ARFRP1: variants seen among roughly 807,000 people sequenced by gnomAD.
ARFRP1 encodes the protein ARF related protein 1.
ARFRP1 carries 19 observed loss-of-function variants against 30.3 expected under a neutral mutation model. That is an observed-to-expected ratio of 0.63 (90% CI 0.44 to 0.92). The LOEUF (loss-of-function observed/expected upper bound fraction) is 0.92. ARFRP1 is among the 40% of genes least tolerant of loss of function. The pLI is 0.00. For missense variants in ARFRP1, 245 were observed against 267.5 expected (o/e 0.92, Z 0.59); for synonymous variants, 133 against 114.2 (o/e 1.16, Z -1.05).
chr20:63,699,709 T>TGG lies in ARFRP1; in HGVS notation c.*732_*733dup, dbSNP rs1359577389. 6.5e-6 allele frequency: 1 copy of TGG among 152,712 alleles called. No homozygotes were observed. Among genetic ancestry groups the TGG allele is most frequent in the African/African-American group, 2.4e-5 (1 of 41,296 alleles). 9.5% of individuals were successfully genotyped at this position (152,712 alleles called of 1,614,324 possible). On this transcript the variant is annotated 3_prime_UTR_variant, in exon 8 of 8. Coordinates refer to ENST00000622789, the MANE Select transcript of ARFRP1 (RefSeq NM_001267547.3). The stretch of plus-strand genomic sequence containing the variant: ...CCCCTCCGGGAGGTTCTCTCCTGGC[T>TGG]GGGGGAGGGCTCTGGACCCCCACAA...
rs774985362 is a variant in ARFRP1 at position 63,702,206 on chromosome 20, C to G, written c.276G>C (p.Glu92Asp). The change falls in exon 5 of 8, where the codon GAG (glutamate) becomes GAC (aspartate). Residue 92 changes from glutamate to aspartate, a missense_variant. Glu to Asp is a conservative substitution (Grantham distance 45). Transcript: ENST00000622789. ...CAATGACGTAGATGACGCCGTGACACTCCGCATAATACTGGGAGGAAGCAC... is the reference window on the plus strand; with the variant it reads ...CAATGACGTAGATGACGCCGTGACAGTCCGCATAATACTGGGAGGAAGCAC... Reference protein sequence around the residue: ...LQSLWDKYYAECHGVIYVIDS... With the variant: ...LQSLWDKYYADCHGVIYVIDS... 1.2e-6 allele frequency: 2 copies of G among 1,612,076 alleles called. No homozygotes were observed. Among genetic ancestry groups the G allele is most frequent in the Non-Finnish European group, 1.7e-6 (2 of 1,179,866 alleles).
At chr20:63,705,768 T>C (rs752518885) in intron 4 of ARFRP1, 6 of 532,882 alleles carry the variant, frequency 1.1e-5, no homozygotes, top group Admixed American at 7.8e-5. Flanking sequence ...GGTCCCCAGG[T>C]CCCCACACTT....
At chr20:63,706,493 AG>A in intron 3 of ARFRP1, 54 bp from the exon 4 acceptor site, 1 of 1,578,044 alleles carries the variant, frequency 6.3e-7, no homozygotes. Flanking sequence ...CGACACACCC[AG>A]TCCCAGCTCT....
Position 63,700,415 on chromosome 20 carries a change from A to C in ARFRP1, c.*28T>G, listed in dbSNP as rs1339297934. 3 of 1,603,888 alleles carry C rather than the reference A, an allele frequency of 1.9e-6. No individual in the cohort carries two copies. The South Asian group carries it at 3.3e-5, about 18-fold the overall frequency. On this transcript the variant is annotated 3_prime_UTR_variant, in exon 8 of 8. Transcript: ENST00000622789. Reference sequence around the variant, plus strand: ...GCCACTCCTCCAGCACCAGGGGACCAGCCGTCCCGACGGCAGCGCGGCTGC... The same window carrying C: ...GCCACTCCTCCAGCACCAGGGGACCCGCCGTCCCGACGGCAGCGCGGCTGC...
In ARFRP1 at chr20:63,702,213, T is replaced by C; in HGVS notation, c.269A>G (p.Tyr90Cys). The C allele has an allele frequency of 1.2e-6, 2 of 1,611,620 alleles. No homozygotes were observed. Among genetic ancestry groups the C allele is most frequent in the Non-Finnish European group, 8.5e-7 (1 of 1,179,628 alleles). The change falls in exon 5 of 8, where the codon TAT becomes TGT. Residue 90 changes from tyrosine (Y) to cysteine (C), a missense_variant. Coordinates refer to ENST00000622789, the MANE Select transcript of ARFRP1 (RefSeq NM_001267547.3). Reference protein sequence around the residue: ...EELQSLWDKYYAECHGVIYVI... With the variant: ...EELQSLWDKYCAECHGVIYVI... Reference sequence around the variant, plus strand: ...GTAGATGACGCCGTGACACTCCGCATAATACTGGGAGGAAGCACCAGGAGT... The same window carrying C: ...GTAGATGACGCCGTGACACTCCGCACAATACTGGGAGGAAGCACCAGGAGT...
intron 4 of ARFRP1, 104 bp from the exon 5 acceptor site, chr20:63,702,321 G>A: frequency 9.0e-7 from 1 of 1,105,582 alleles, no homozygotes; most frequent in South Asian, 1.4e-5. Flanking sequence ...ATGAGGAAGG[G>A]GCAAGAGGGC....
rs760205392 is a variant in ARFRP1 at position 63,700,468 on chromosome 20, G to A, written c.581C>T (p.Pro194Leu). 5.3e-5 allele frequency: 85 copies of A among 1,609,674 alleles called. No individual in the cohort carries two copies. Among genetic ancestry groups the A allele is most frequent in the Middle Eastern group, 4.4e-4 (2 of 4,566 alleles). Residue 194 changes from proline to leucine, a missense_variant, in exon 8 of 8, where the codon CCG becomes CTG. Pro to Leu is a moderately conservative substitution (Grantham distance 98, BLOSUM62 -3). Transcript: ENST00000622789. ...VKCVVRNVHR[P>L]PRQRDIT Reference sequence around the variant, plus strand: ...CTACGTGATGTCCCTCTGCCGCGGCGGCCGGTGCACATTCCGCACGACACA... The same window carrying A: ...CTACGTGATGTCCCTCTGCCGCGGCAGCCGGTGCACATTCCGCACGACACA...
At chr20:63,705,000 T>G in intron 4 of ARFRP1, 1 of 152,790 alleles carries the variant, frequency 6.5e-6, no homozygotes, top group Non-Finnish European at 1.5e-5. Flanking sequence ...GCTGCCTGAG[T>G]CGACCTCTCC....
Position 63,699,537 on chromosome 20 carries a change from C to T in ARFRP1, c.*906G>A, listed in dbSNP as rs970585223. ...ACACTCGCCGTCTTTATTTTGCACT[C>T]ACCCTGGGTGACACTGGGCAGGCCG... On this transcript the variant is annotated 3_prime_UTR_variant, in exon 8 of 8. Transcript: ENST00000622789. 1 of 152,460 alleles carries T rather than the reference C, an allele frequency of 6.6e-6. No homozygotes were observed. The allele number at this position is 152,460 out of a possible 1,614,324, so 9.4% of individuals were successfully genotyped here.
chr20:63,698,799 C>T lies in ARFRP1; in HGVS notation c.*1644G>A, dbSNP rs1473742585. ...AACTGCTGCCCGGGGCTTCCCCTAC[C>T]TCAGACAGACCCTCCCTGGGAGGAT... is the stretch of plus-strand genomic sequence containing the variant. On this transcript the variant is annotated 3_prime_UTR_variant, in exon 8 of 8. Coordinates refer to ENST00000622789, the MANE Select transcript of ARFRP1 (RefSeq NM_001267547.3). 4.5e-6 allele frequency: 2 copies of T among 446,500 alleles called. No individual in the cohort carries two copies. Among genetic ancestry groups the T allele is most frequent in the East Asian group, 4.1e-5 (1 of 24,650 alleles). 27.7% of individuals were successfully genotyped at this position (446,500 alleles called of 1,614,324 possible). A position where few individuals can be genotyped will look rare whatever the true frequency, so the allele number is the denominator to read the frequency against.
At chr20:63,703,327 C>T (rs1485981701) in intron 4 of ARFRP1, 1 of 152,292 alleles carries the variant, frequency 6.6e-6, no homozygotes, top group Admixed American at 6.5e-5. Flanking sequence ...GCCAGACAAG[C>T]TTGTGCACCT....
Position 63,700,529 on chromosome 20 carries a change from T to C in ARFRP1, c.520A>G (p.Lys174Glu). Residue 174 changes from lysine to glutamate, a missense_variant and splice_region_variant, in exon 8 of 8, where the codon AAA becomes GAA. Coordinates refer to ENST00000622789, the MANE Select transcript of ARFRP1 (RefSeq NM_001267547.3). ...CACTCGATGCCCTCGCGCACCCCTT[T>C]GCTGTGAAGACAGCGGGTGTGAGGC... ...LTQACSALTG[K>E]GVREGIEWMV... is the part of the protein sequence containing the mutation. 6.2e-7 allele frequency: 1 copy of C among 1,610,920 alleles called. No homozygotes were observed. Among genetic ancestry groups the C allele is most frequent in the Non-Finnish European group, 8.5e-7 (1 of 1,179,856 alleles).
In ARFRP1 at chr20:63,700,701, G is replaced by T. The variant is rs781780125; in HGVS notation, c.419C>A (p.Thr140Lys). 1 of 1,610,540 alleles carries T rather than the reference G, an allele frequency of 6.2e-7. No homozygotes were observed. Among genetic ancestry groups the T allele is most frequent in the African/African-American group, 1.3e-5 (1 of 74,986 alleles). Reference protein sequence around the residue: ...LVLANKQDVETCLSIPDIKTA... With the variant: ...LVLANKQDVEKCLSIPDIKTA... ...CTTGATGTCAGGGATTGAGAGGCACGTCTGGGGGAGGTAAGGCCGTGAGGA... is the reference window on the plus strand; with the variant it reads ...CTTGATGTCAGGGATTGAGAGGCACTTCTGGGGGAGGTAAGGCCGTGAGGA... The change falls in exon 7 of 8, where the codon ACG becomes AAG. Residue 140 changes from threonine (T) to lysine (K), a missense_variant and splice_region_variant. Thr to Lys is a moderately conservative substitution (Grantham distance 78, BLOSUM62 -1). Transcript: ENST00000622789.
At chr20:63,706,574 G>C in intron 3 of ARFRP1, 77 bp downstream of exon 3, 1 of 1,518,608 alleles carries the variant, frequency 6.6e-7, no homozygotes, top group Non-Finnish European at 9.1e-7. Flanking sequence ...CAGGGCTGTG[G>C]CCACGGGCCA....
At chr20:63,706,820 A>T (rs2091493663) in intron 2 of ARFRP1, 82 bp from the exon 3 acceptor site, 1 of 1,351,482 alleles carries the variant, frequency 7.4e-7, no homozygotes, top group Non-Finnish European at 1.1e-6. Context: ...CTGTTCTTTA[A>T]AAGACAGAAA....
In ARFRP1 at chr20:63,699,704, CT is replaced by C. The variant is rs2091097946; in HGVS notation, c.*738del. On this transcript the variant is annotated 3_prime_UTR_variant, in exon 8 of 8. Coordinates refer to ENST00000622789, the MANE Select transcript of ARFRP1 (RefSeq NM_001267547.3). ...GAGAACCCCTCCGGGAGGTTCTCTC[CT>C]GGCTGGGGGAGGGCTCTGGACCCCC... The C allele has an allele frequency of 6.5e-6, 1 of 153,222 alleles. No homozygotes were observed. The highest frequency in any genetic ancestry group is 6.5e-5 in the Admixed American group (1 of 15,380). 9.5% of individuals were successfully genotyped at this position (153,222 alleles called of 1,614,324 possible).
chr20:63,700,078 T>G lies in ARFRP1; in HGVS notation c.*365A>C. The G allele has an allele frequency of 3.3e-6, 1 of 305,200 alleles. No homozygotes were observed. The highest frequency in any genetic ancestry group is 6.4e-6 in the Non-Finnish European group (1 of 157,032). 18.9% of individuals were successfully genotyped at this position (305,200 alleles called of 1,614,324 possible). ...CGATGGGGCGGAGACAGCCACGGGGTCTCCCGAGGGTCCCACAGGGCTGTC... is the reference window on the plus strand; with the variant it reads ...CGATGGGGCGGAGACAGCCACGGGGGCTCCCGAGGGTCCCACAGGGCTGTC... On this transcript the variant is annotated 3_prime_UTR_variant, in exon 8 of 8. Transcript: ENST00000622789.
Position 63,700,461 on chromosome 20 carries a change from C to T in ARFRP1, c.588G>A (p.Arg196=). 3 of 1,609,340 alleles carry T rather than the reference C, an allele frequency of 1.9e-6. No homozygotes were observed. In the East Asian group the frequency reaches 6.7e-5, roughly 36 times the overall value. The change falls in exon 8 of 8, where the codon CGG becomes CGA. Residue 196 remains arginine (R), a synonymous_variant. Transcript: ENST00000622789. ...GCTGCGCCTACGTGATGTCCCTCTG[C>T]CGCGGCGGCCGGTGCACATTCCGCA... ...CVVRNVHRPP[R]QRDIT
intron 4 of ARFRP1, chr20:63,705,974 C>T (rs184925167): frequency 2.2e-4 from 77 of 347,918 alleles, no homozygotes; most frequent in Non-Finnish European, 3.3e-4. Context: ...AGATCCCCCC[C>T]GGCTTCAGGC....
Sources: gnomAD v4.1 joint callset for allele counts on GRCh38, gnomAD v4.1.1 for gene constraint, MANE v1.5 for transcripts, NCBI Gene and HGNC (gene_info 2026-07-23, HGNC 2026-07-21) for gene names.